The following METTL24 variants were observed in gnomAD, a reference collection of about 807,000 sequenced individuals.
METTL24 encodes the protein probable methyltransferase-like protein 24.
Under a neutral mutation model 32.7 loss-of-function variants are expected in METTL24, and 29 were observed. The ratio of observed to expected loss-of-function variants is 0.89; its 90% confidence interval spans 0.66 to 1.21. METTL24 has a LOEUF of 1.21. Among genes scored for constraint, METTL24 ranks in the 50% most tolerant of loss-of-function variants. The probability of loss-of-function intolerance (pLI) is 0.00; values close to 1 mark genes in which losing one functional copy is unlikely to be tolerated. For missense variants in METTL24, 439 were observed against 468.1 expected (o/e 0.94, Z 0.57); for synonymous variants, 163 against 179.5 (o/e 0.91, Z 0.73).
At chr6:110,254,035 C>T (rs1341123942) in intron 4 of METTL24, 4 of 1,150,644 alleles carry the variant, frequency 3.5e-6, no homozygotes, top group East Asian at 6.4e-5. Context: ...CACAAATTTG[C>T]ATTTGGGAAA....
At chr6:110,333,213 T>C (rs1772140775) in intron 1 of METTL24, among the ~76,000 whole-genome samples, 1 of 152,140 alleles carries the variant, frequency 6.6e-6, no homozygotes, top group Non-Finnish European at 1.5e-5. Flanking sequence ...CGTCAGTGTA[T>C]TCAGGAGGAA....
At chr6:110,283,672 T>C (rs1020442247) in intron 4 of METTL24, among the ~76,000 whole-genome samples, 1 of 152,226 alleles carries the variant, frequency 6.6e-6, no homozygotes, top group African/African-American at 2.4e-5. Context: ...TTTTTCTTTA[T>C]AGCACTCAAC....
At chr6:110,280,146 A>G (rs1771112489) in intron 4 of METTL24, among the ~76,000 whole-genome samples, 1 of 152,120 alleles carries the variant, frequency 6.6e-6, no homozygotes, top group Non-Finnish European at 1.5e-5. Flanking sequence ...ACCTTCTACC[A>G]GGCCCTACCT....
At chr6:110,323,667 AC>A (rs1771970080) in intron 1 of METTL24, among the ~76,000 whole-genome samples, 1 of 151,840 alleles carries the variant, frequency 6.6e-6, no homozygotes, top group African/African-American at 2.4e-5. Context: ...CAAAACTCCC[AC>A]CTATAGTTGT....
At chr6:110,317,906 C>A (rs1297395263) in intron 2 of METTL24, among the ~76,000 whole-genome samples, 1 of 152,132 alleles carries the variant, frequency 6.6e-6, no homozygotes, top group Non-Finnish European at 1.5e-5. Flanking sequence ...AATAAGCTCC[C>A]CCAGGTGATT....
chr6:110,344,195 C>T (rs576012609), intron 1 of METTL24, among the ~76,000 whole-genome samples: 19 of 152,274 alleles, frequency 1.2e-4, no homozygotes, highest in African/African-American at 3.6e-4. Context: ...TCATGACCTT[C>T]GAGACTTTGC....
chr6:110,256,591 C>T (rs1396445492), intron 4 of METTL24, among the ~76,000 whole-genome samples: 1 of 152,136 alleles, frequency 6.6e-6, no homozygotes, highest in Admixed American at 6.5e-5. Flanking sequence ...ACGAGTCCCA[C>T]CTATTCTGCC....
At chr6:110,289,567 T>C (rs919091344) in intron 4 of METTL24, among the ~76,000 whole-genome samples, 3 of 151,782 alleles carry the variant, frequency 2.0e-5, no homozygotes, top group East Asian at 3.9e-4. Flanking sequence ...TGGAAGCTAG[T>C]AGTGAGGAAT....
intron 4 of METTL24, among the ~76,000 whole-genome samples, chr6:110,278,726 T>G (rs1562223894): frequency 1.3e-5 from 2 of 152,110 alleles, no homozygotes; most frequent in African/African-American, 4.8e-5. Flanking sequence ...AATCTTACTT[T>G]AAAAATAAAA....
At chr6:110,258,861 T>G (rs1778435240) in intron 4 of METTL24, among the ~76,000 whole-genome samples, 1 of 151,728 alleles carries the variant, frequency 6.6e-6, no homozygotes, top group Admixed American at 6.6e-5. Context: ...AAACACAGCT[T>G]TGAGGCAAGT....
rs778044529 is a variant in METTL24, at chr6:110,298,909, T to C, written c.786+13A>G. The C allele has an allele frequency of 6.2e-6, 10 of 1,611,254 alleles. No homozygotes were observed. Among genetic ancestry groups the C allele is most frequent in the Admixed American group, 3.3e-5 (2 of 59,930 alleles). On this transcript the variant is annotated intron_variant, in intron 4 of 4. Coordinates refer to ENST00000338882, the MANE Select transcript of METTL24 (RefSeq NM_001123364.3). ...TACTTTATTCAAGTATAAAATCAAA[T>C]GAAAAACCTCACCTTGTGATGTCCA...
At chr6:110,306,970 G>A (rs1225687905) in intron 3 of METTL24, among the ~76,000 whole-genome samples, 1 of 152,156 alleles carries the variant, frequency 6.6e-6, no homozygotes, top group Non-Finnish European at 1.5e-5. Context: ...TGAGGAAAAG[G>A]GCTATGTCAA....
At chr6:110,258,717 C>T (rs1778430704) in intron 4 of METTL24, among the ~76,000 whole-genome samples, 1 of 151,826 alleles carries the variant, frequency 6.6e-6, no homozygotes, top group South Asian at 2.1e-4. Flanking sequence ...CTCAAGATCA[C>T]AAAGTAATTA....
intron 4 of METTL24, among the ~76,000 whole-genome samples, chr6:110,296,128 G>A (rs904965636): frequency 6.6e-6 from 1 of 152,156 alleles, no homozygotes; most frequent in African/African-American, 2.4e-5. Flanking sequence ...CCCTCAGGCA[G>A]CTCTGTTATT....
intron 4 of METTL24, among the ~76,000 whole-genome samples, chr6:110,267,819 T>C (rs1277910130): frequency 6.6e-6 from 1 of 152,010 alleles, no homozygotes; most frequent in African/African-American, 2.4e-5. Flanking sequence ...ACAATTATGG[T>C]GGAAGGTAAA....
At chr6:110,351,703 G>A (rs756319995) in intron 1 of METTL24, among the ~76,000 whole-genome samples, 2 of 152,222 alleles carry the variant, frequency 1.3e-5, no homozygotes, top group Non-Finnish European at 2.9e-5. Context: ...GGATTGGGCA[G>A]GCGCCCTAGG....
intron 1 of METTL24, among the ~76,000 whole-genome samples, chr6:110,343,117 G>A (rs1161169301): frequency 1.3e-5 from 2 of 152,104 alleles, no homozygotes; most frequent in Admixed American, 6.6e-5. Flanking sequence ...TAACGTTTAT[G>A]TCATCACCCT....
intron 1 of METTL24, among the ~76,000 whole-genome samples, chr6:110,346,500 C>CTT (rs1282769743): frequency 2.2e-5 from 2 of 90,736 alleles, no homozygotes; most frequent in Admixed American, 1.3e-4. Context: ...TTCTCTCTCT[C>CTT]TCTCTTTTTT....
chr6:110,281,045 T>C (rs184231445), intron 4 of METTL24, among the ~76,000 whole-genome samples: 40 of 152,314 alleles, frequency 2.6e-4, no homozygotes, highest in African/African-American at 8.4e-4. Flanking sequence ...CTCTATTATA[T>C]AAATTTTCTA....
Sources: allele counts gnomAD v4.1 joint callset (sites outside exome capture counted in the v4.1 genomes callset), GRCh38; gene constraint gnomAD v4.1.1; transcripts MANE v1.5; gene names NCBI Gene and HGNC (gene_info 2026-07-23, HGNC 2026-07-21).